MROH6: variants seen among roughly 807,000 people sequenced by gnomAD.
The protein encoded by MROH6 is maestro heat like repeat family member 6, also known as maestro heat-like repeat-containing protein family member 6.
MROH6 carries 62 observed loss-of-function variants against 67.7 expected under a neutral mutation model. That is an observed-to-expected ratio of 0.92 (90% CI 0.75 to 1.13). The LOEUF is 1.13. MROH6 is among the 50% of genes most tolerant of loss of function. MROH6 has a pLI of 0.00. For missense variants in MROH6, 1,175 were observed against 1,029.1 expected, an observed-to-expected ratio of 1.14 and a Z score of -1.94; for synonymous variants, 566 against 470.8, an observed-to-expected ratio of 1.20 and a Z score of -2.62.
rs2130614258 is a variant in MROH6, at chr8:143,568,610, A to C, written c.1586T>G (p.Leu529Arg). ...CAGCAGCAGCGGCACGAGACTCTGC[A>C]GCACCAGCTTCCGCAGGGGGCCGCG... ...GLRGPLRKLV[L>R]QSLVPLLLRL... The change falls in exon 10 of 14, where the codon CTG (leucine) becomes CGG (arginine). Residue 529 changes from leucine to arginine, a missense_variant. Coordinates refer to ENST00000398882, the MANE Select transcript of MROH6 (RefSeq NM_001100878.2). The C allele has an allele frequency of 1.3e-6, 2 of 1,545,596 alleles. No homozygotes were observed. The highest frequency in any genetic ancestry group is 2.0e-4 in the Middle Eastern group (1 of 4,962).
rs1325651419 is a variant in MROH6 at position 143,569,450 on chromosome 8, T to C, written c.1467A>G (p.Leu489=). ...CGGGGCGTTTGCTCACGTCGTCCAG[T>C]AGCGGAGGGAGGCGCGGTCCCAGCT... ...SAELGPRLPP[L]LDDTRDSIRA... Residue 489 remains leucine, a synonymous_variant, in exon 9 of 14, where the codon CTA becomes CTG. Transcript: ENST00000398882. The C allele has an allele frequency of 2.1e-6, 3 of 1,454,726 alleles. No homozygotes were observed. The highest frequency in any genetic ancestry group is 1.5e-5 in the African/African-American group (1 of 66,862). The allele number at this position is 1,454,726 out of a possible 1,614,324, so 90.1% of individuals were successfully genotyped here. A position where few individuals can be genotyped will look rare whatever the true frequency, so the allele number is the denominator to read the frequency against.
chr8:143,571,714 C>T lies in MROH6; in HGVS notation c.555G>A (p.Ala185=), dbSNP rs1824053342. The T allele has an allele frequency of 6.4e-6, 10 of 1,551,254 alleles. No homozygotes were observed. The highest frequency in any genetic ancestry group is 3.9e-5 in the Admixed American group (2 of 51,380). The change falls in exon 3 of 14, where the codon GCG becomes GCA. Residue 185 remains alanine, a synonymous_variant. Coordinates refer to ENST00000398882, the MANE Select transcript of MROH6 (RefSeq NM_001100878.2). ...RVLSALALEH[A]RDVVCALLPR... The stretch of plus-strand genomic sequence containing the variant: ...GTAGCAGCGCACACACCACGTCCCG[C>T]GCATGCTCCAGGGCCAGTGCGCTCA...
intron 4 of MROH6, 58 bp downstream of exon 4, chr8:143,570,819 G>GCCC: frequency 1.6e-6 from 2 of 1,259,682 alleles, no homozygotes; most frequent in South Asian, 1.3e-5. Context: ...CATCCTCCCC[G>GCCC]CTCCTCGCCA....
At chr8:143,568,777 AG>A (rs2130617895) in intron 9 of MROH6, 58 bp from the exon 10 acceptor site, 1 of 966,644 alleles carries the variant, frequency 1.0e-6, no homozygotes, top group Non-Finnish European at 1.4e-6. Flanking sequence ...CAAGGGTGGG[AG>A]GGGGCGGCCA....
At chr8:143,567,924 C>T (rs1216633368) in intron 11 of MROH6, 36 bp from the exon 12 acceptor site, 2 of 1,507,172 alleles carry the variant, frequency 1.3e-6, no homozygotes, top group Non-Finnish European at 1.8e-6. Context: ...GACAGGAGGG[C>T]TGATCCTGAG....
chr8:143,570,344 C>T lies in MROH6; in HGVS notation c.942G>A (p.Gly314=). Residue 314 remains glycine (G), a synonymous_variant, in exon 6 of 14, where the codon GGG becomes GGA. Transcript: ENST00000398882. ...AVEALKALLT[G]DGGRMVVTCM... ...ACGTGACCACCATGCGGCCTCCATC[C>T]CCGGTGAGCAGCGCCTTCAAGGCCT... The T allele has an allele frequency of 6.2e-7, 1 of 1,610,814 alleles. No homozygotes were observed. The highest frequency in any genetic ancestry group is 1.6e-4 in the Middle Eastern group (1 of 6,062).
chr8:143,567,820 C>T lies in MROH6; in HGVS notation c.1833G>A (p.Gln611=), dbSNP rs1823715155. 2 of 1,535,222 alleles carry T rather than the reference C, an allele frequency of 1.3e-6. No homozygotes were observed. The highest frequency in any genetic ancestry group is 1.3e-5 in the South Asian group (1 of 79,114). ...SQTQGYLRSP[Q]DPLRRAAAVL... ...CGGCGGCTGCCCGGCGCAGGGGGTC[C>T]TGTGGACTCCGCAGGTAGCCCTGGG... Residue 611 remains glutamine (Q), a synonymous_variant, in exon 12 of 14, where the codon CAG becomes CAA. Coordinates refer to ENST00000398882, the MANE Select transcript of MROH6 (RefSeq NM_001100878.2).
At chr8:143,571,939 T>C in intron 2 of MROH6, 94 bp downstream of exon 2, 1 of 1,492,498 alleles carries the variant, frequency 6.7e-7, no homozygotes, top group East Asian at 2.4e-5. Flanking sequence ...AGCCTGAAGA[T>C]GGCAGGGTCA....
At position 143,572,735 on chromosome 8, in the gene MROH6, C is replaced by T; in HGVS notation, c.-21G>A. On this transcript the variant is annotated 5_prime_UTR_variant, in exon 1 of 14. In the 5' UTR this introduces an upstream ATG that the reference lacks. Transcript: ENST00000398882. ...GCCATGGCGGCCCTTGCCTGCAGCA[C>T]CTGCCGCTGCTCCTCCTGCGAAGTT... is the stretch of plus-strand genomic sequence containing the variant. The T allele has an allele frequency of 1.4e-6, 2 of 1,453,590 alleles. No individual in the cohort carries two copies. The highest frequency in any genetic ancestry group is 1.8e-6 in the Non-Finnish European group (2 of 1,107,308). The allele number at this position is 1,453,590 out of a possible 1,614,324, so 90.0% of individuals were successfully genotyped here. A position where few individuals can be genotyped will look rare whatever the true frequency, so the allele number is the denominator to read the frequency against.
intron 9 of MROH6, 88 bp downstream of exon 9, chr8:143,569,353 C>G: frequency 1.0e-6 from 1 of 989,184 alleles, no homozygotes; most frequent in Non-Finnish European, 1.2e-6. Context: ...GCGGGAGAGA[C>G]GGGGGCGGGG....
In MROH6 at chr8:143,570,063, G is replaced by T; in HGVS notation, c.1046C>A (p.Ala349Asp). The T allele has an allele frequency of 6.2e-7, 1 of 1,609,360 alleles. No individual in the cohort carries two copies. The highest frequency in any genetic ancestry group is 8.5e-7 in the Non-Finnish European group (1 of 1,178,898). Residue 349 changes from alanine to aspartate, a missense_variant and splice_region_variant, in exon 7 of 14, where the codon GCT (alanine) becomes GAT (aspartate). Transcript: ENST00000398882. ...HLEGVLLLASAMVAHADHHLR... is the reference protein window; with the variant it reads ...HLEGVLLLASDMVAHADHHLR... ...GTGGTGGTCGGCATGTGCCACCATA[G>T]CACTGGGGTGGGTGGAAATGGGAGC...
intron 1 of MROH6, 79 bp downstream of exon 1, chr8:143,572,342 C>T: frequency 2.0e-6 from 3 of 1,481,450 alleles, no homozygotes; most frequent in Non-Finnish European, 2.7e-6. Context: ...AGCACCGCCC[C>T]CCTGCCACCC....
In MROH6 at chr8:143,569,791, A is replaced by T; in HGVS notation, c.1208T>A (p.Leu403Gln). 1.2e-6 allele frequency: 2 copies of T among 1,612,474 alleles called. No homozygotes were observed. Residue 403 changes from leucine to glutamine, a missense_variant, in exon 8 of 14, where the codon CTG (leucine) becomes CAG (glutamine). Physicochemically the swap from Leu to Gln is moderately radical, Grantham distance 113. Transcript: ENST00000398882. ...TARLLREEVI[L>Q]ERLLTWQGDP... The stretch of plus-strand genomic sequence containing the variant: ...TCCCTGCCAGGTGAGGAGTCGCTCC[A>T]GGATGACCTCCTCCCGCAGGAGCCG...
In MROH6 at chr8:143,569,467, G is replaced by C. The variant is rs1290179233; in HGVS notation, c.1450C>G (p.Pro484Ala). Residue 484 changes from proline to alanine, a missense_variant, in exon 9 of 14, where the codon CCG becomes GCG. Physicochemically the swap from Pro to Ala is conservative, Grantham distance 27 (BLOSUM62 -1). Transcript: ENST00000398882. Reference sequence around the variant, plus strand: ...TCGTCCAGTAGCGGAGGGAGGCGCGGTCCCAGCTCCGCGCTCAGGAGCCGC... The same window carrying C: ...TCGTCCAGTAGCGGAGGGAGGCGCGCTCCCAGCTCCGCGCTCAGGAGCCGC... Reference protein sequence around the residue: ...PVRLLSAELGPRLPPLLDDTR... With the variant: ...PVRLLSAELGARLPPLLDDTR... The C allele has an allele frequency of 6.8e-7, 1 of 1,466,886 alleles. No homozygotes were observed. The highest frequency in any genetic ancestry group is 8.9e-7 in the Non-Finnish European group (1 of 1,119,646). 90.9% of individuals were successfully genotyped at this position (1,466,886 alleles called of 1,614,324 possible). A position where few individuals can be genotyped will look rare whatever the true frequency, so the allele number is the denominator to read the frequency against.
rs1041820368 is a variant in MROH6, at chr8:143,567,397, C to T, written c.2002G>A (p.Val668Met). The stretch of plus-strand genomic sequence containing the variant: ...CCCCGGGCACGGGCCAGCATCGCCA[C>T]CTGCTGAGCGGACACGTGCGCTGCC... ...AAAAHVSAQQ[V>M]AMLARARGCP... Residue 668 changes from valine to methionine, a missense_variant, in exon 14 of 14, where the codon GTG becomes ATG. Coordinates refer to ENST00000398882, the MANE Select transcript of MROH6 (RefSeq NM_001100878.2). The T allele has an allele frequency of 1.7e-5, 21 of 1,258,408 alleles. No individual in the cohort carries two copies. Among genetic ancestry groups the T allele is most frequent in the Non-Finnish European group, 2.1e-5 (21 of 1,001,626 alleles). 78.0% of individuals were successfully genotyped at this position (1,258,408 alleles called of 1,614,324 possible).
Position 143,568,980 on chromosome 8 carries a change from G to A in MROH6, c.1477-261C>T, listed in dbSNP as rs183524576. 7.1e-4 allele frequency: 317 copies of A among 444,576 alleles called. 2 individuals are homozygous for A. The highest frequency in any genetic ancestry group is 5.0e-3 in the Middle Eastern group (9 of 1,790). 27.5% of individuals were successfully genotyped at this position (444,576 alleles called of 1,614,324 possible). ...GCTTGGCGGGACACGGCCCTGGAGG[G>A]GCGGAGCTGGGCGACAGCAGGCGGG... On this transcript the variant is annotated intron_variant, in intron 9 of 13. Transcript: ENST00000398882.
rs781554962 is a variant in MROH6 at position 143,569,703 on chromosome 8, G to A, written c.1296C>T (p.Arg432=). ...LLGLGHLALN[R]RKVRHVSTLL... is the part of the protein sequence containing the mutation. Reference sequence around the variant, plus strand: ...CCCTCCCCTTCTCTCACACCTTCCTGCGATTCAGCGCGAGGTGGCCCAGGC... The same window carrying A: ...CCCTCCCCTTCTCTCACACCTTCCTACGATTCAGCGCGAGGTGGCCCAGGC... The change falls in exon 8 of 14, where the codon CGC becomes CGT. Residue 432 remains arginine, a synonymous_variant. Transcript: ENST00000398882. 3.9e-5 allele frequency: 63 copies of A among 1,612,802 alleles called. No homozygotes were observed. The highest frequency in any genetic ancestry group is 5.1e-5 in the Non-Finnish European group (60 of 1,179,482).
At position 143,567,776 on chromosome 8, in the gene MROH6, G is replaced by A. The variant is rs1425397738; in HGVS notation, c.1867+10C>T. 1 of 1,565,124 alleles carries A rather than the reference G, an allele frequency of 6.4e-7. No individual in the cohort carries two copies. Among genetic ancestry groups the A allele is most frequent in the Non-Finnish European group, 8.7e-7 (1 of 1,154,034 alleles). On this transcript the variant is annotated intron_variant, in intron 12 of 13. Coordinates refer to ENST00000398882, the MANE Select transcript of MROH6 (RefSeq NM_001100878.2). ...GGTGCCAGGGGCAGTGTGACCCCGG[G>A]CGGCCTCACCTATAAGCACGGCGGC...
At chr8:143,569,658 C>A (rs1269595362) in intron 8 of MROH6, 39 bp downstream of exon 8, 6 of 1,599,020 alleles carry the variant, frequency 3.8e-6, no homozygotes, top group Non-Finnish European at 5.1e-6. Flanking sequence ...TCGCCGCGAC[C>A]GGGCCAAGCC....
Sources: allele counts gnomAD v4.1 joint callset, GRCh38; gene constraint gnomAD v4.1.1; transcripts MANE v1.5; gene names NCBI Gene and HGNC (gene_info 2026-07-23, HGNC 2026-07-21).